Variants in AUTS2 observed in about 807,000 individuals in gnomAD.
The protein encoded by AUTS2 is activator of transcription and developmental regulator AUTS2.
AUTS2 carries 17 observed loss-of-function variants against 112.4 expected under a neutral mutation model. That is an observed-to-expected ratio of 0.15 (90% CI 0.10 to 0.23). The LOEUF is 0.23. AUTS2 is among the 10% of genes least tolerant of loss of function. The probability of loss-of-function intolerance (pLI) is 1.00; values close to 1 mark genes in which losing one functional copy is unlikely to be tolerated. For synonymous variants in AUTS2, 751 were observed against 702.7 expected (o/e 1.07, Z -1.09); for missense variants, 1,510 against 1,701.6 (o/e 0.89, Z 1.98).
At chr7:70,376,458 T>G (rs1793087910) in intron 4 of AUTS2, among the ~76,000 whole-genome samples, 1 of 152,004 alleles carries the variant, frequency 6.6e-6, no homozygotes, top group Admixed American at 6.6e-5. Flanking sequence ...GGGTGAGATG[T>G]GGCCGGCACA....
intron 4 of AUTS2, among the ~76,000 whole-genome samples, chr7:70,168,676 A>T (rs969133024): frequency 3.3e-5 from 5 of 152,198 alleles, no homozygotes; most frequent in African/African-American, 1.2e-4. Context: ...TTATGTAATA[A>T]AATAGCAGTA....
intron 4 of AUTS2, among the ~76,000 whole-genome samples, chr7:70,342,613 T>G (rs968771725): frequency 2.0e-5 from 3 of 152,138 alleles, no homozygotes; most frequent in Non-Finnish European, 4.4e-5. Context: ...AATTTTAAAA[T>G]TTCATTTAAT....
At chr7:70,026,750 A>AT in intron 2 of AUTS2, among the ~76,000 whole-genome samples, 1 of 152,232 alleles carries the variant, frequency 6.6e-6, no homozygotes, top group East Asian at 1.9e-4. Flanking sequence ...ATATATCTGA[A>AT]TGGGTATACA....
At chr7:70,434,318 G>T (rs1321305425) in intron 4 of AUTS2, among the ~76,000 whole-genome samples, 1 of 152,204 alleles carries the variant, frequency 6.6e-6, no homozygotes, top group African/African-American at 2.4e-5. Flanking sequence ...ACCTCAAAGT[G>T]TCAGGAGAAG....
intron 1 of AUTS2, among the ~76,000 whole-genome samples, chr7:69,623,368 AC>A (rs1396547357): frequency 7.5e-6 from 1 of 132,726 alleles, no homozygotes. Flanking sequence ...GACTACCACC[AC>A]CACGCCCAGC....
chr7:70,345,740 GA>G (rs1791467125), intron 4 of AUTS2, among the ~76,000 whole-genome samples: 1 of 152,172 alleles, frequency 6.6e-6, no homozygotes, highest in African/African-American at 2.4e-5. Context: ...AGACTCTCAT[GA>G]CTTTCTTCAA....
intron 4 of AUTS2, among the ~76,000 whole-genome samples, chr7:70,362,224 A>G (rs770037276): frequency 2.0e-5 from 3 of 152,202 alleles, no homozygotes; most frequent in Non-Finnish European, 4.4e-5. Flanking sequence ...TAGTTCAAAT[A>G]AAAGAAGAAC....
At chr7:70,174,337 C>T (rs1398495747) in intron 4 of AUTS2, among the ~76,000 whole-genome samples, 1 of 152,182 alleles carries the variant, frequency 6.6e-6, no homozygotes, top group African/African-American at 2.4e-5. Context: ...TGGAAGCTAT[C>T]AGAGTGTGGT....
intron 4 of AUTS2, among the ~76,000 whole-genome samples, chr7:70,238,107 G>C (rs916589560): frequency 2.0e-5 from 3 of 152,128 alleles, no homozygotes; most frequent in Non-Finnish European, 2.9e-5. Context: ...AGCCCCATCT[G>C]GTAAGAGTGA....
At chr7:70,711,431 A>G (rs1296309281) in intron 6 of AUTS2, among the ~76,000 whole-genome samples, 4 of 152,188 alleles carry the variant, frequency 2.6e-5, no homozygotes, top group African/African-American at 9.7e-5. Context: ...GGGCCTCATT[A>G]TGCTTTCTGC....
intron 5 of AUTS2, among the ~76,000 whole-genome samples, chr7:70,480,307 A>G (rs780958719): frequency 1.3e-5 from 2 of 152,248 alleles, no homozygotes; most frequent in Non-Finnish European, 2.9e-5. Context: ...CATGCAGCTC[A>G]GTAGAAGTCT....
intron 1 of AUTS2, among the ~76,000 whole-genome samples, chr7:69,665,209 C>T (rs1429059583): frequency 6.6e-6 from 1 of 152,146 alleles, no homozygotes; most frequent in Non-Finnish European, 1.5e-5. Flanking sequence ...GATGTCTTTC[C>T]TCTCTCCTCC....
intron 4 of AUTS2, among the ~76,000 whole-genome samples, chr7:70,395,738 G>A (rs560600222): frequency 1.3e-5 from 2 of 152,278 alleles, no homozygotes; most frequent in East Asian, 3.9e-4. Context: ...ATGGATTACA[G>A]GTTCAAGGAG....
intron 6 of AUTS2, chr7:70,699,292 T>C (rs1312361149): frequency 6.6e-6 from 1 of 152,210 alleles, no homozygotes; most frequent in Non-Finnish European, 1.5e-5. Context: ...GAAAGGTGTG[T>C]AATTTGAAAG....
At chr7:69,818,932 T>C (rs1934124123) in intron 1 of AUTS2, among the ~76,000 whole-genome samples, 1 of 152,106 alleles carries the variant, frequency 6.6e-6, no homozygotes, top group African/African-American at 2.4e-5. Flanking sequence ...TAAAATTTGA[T>C]TGTGTTTAGT....
At chr7:70,377,698 C>G (rs1793177460) in intron 4 of AUTS2, among the ~76,000 whole-genome samples, 1 of 151,394 alleles carries the variant, frequency 6.6e-6, no homozygotes, top group Non-Finnish European at 1.5e-5. Flanking sequence ...TTTGACTACT[C>G]TAGGTATCTC....
chr7:70,128,770 G>A, intron 3 of AUTS2, among the ~76,000 whole-genome samples: 1 of 152,180 alleles, frequency 6.6e-6, no homozygotes, highest in Non-Finnish European at 1.5e-5. Context: ...TTATCTCACA[G>A]TTCTGGAGGC....
intron 1 of AUTS2, among the ~76,000 whole-genome samples, chr7:69,835,837 C>T (rs1214015120): frequency 6.6e-6 from 1 of 152,138 alleles, no homozygotes; most frequent in Non-Finnish European, 1.5e-5. Context: ...TACAACACCC[C>T]AGAGGTGAAG....
Position 70,739,010 on chromosome 7 carries a change from T to G in AUTS2, c.743-23860T>G. Reference sequence around the variant, plus strand: ...TCCACGAGGTTTTGAGGCCTTTTTTTTTTTTTTTTTTTTTTTTTTTTTTTT... The same window carrying G: ...TCCACGAGGTTTTGAGGCCTTTTTTGTTTTTTTTTTTTTTTTTTTTTTTTT... On this transcript the variant is annotated intron_variant, in intron 6 of 18. Coordinates refer to ENST00000342771, the MANE Select transcript of AUTS2 (RefSeq NM_015570.4). Among the ~76,000 whole-genome samples, 5 of 11,876 alleles carry G rather than the reference T, an allele frequency of 4.2e-4. 1 individual carries two copies. Among genetic ancestry groups the G allele is most frequent in the African/African-American group, 3.1e-3 (5 of 1,590 alleles). 7.8% of individuals were successfully genotyped at this position (11,876 alleles called of 152,430 possible).
Sources: allele counts gnomAD v4.1 joint callset (sites outside exome capture counted in the v4.1 genomes callset), GRCh38; gene constraint gnomAD v4.1.1; transcripts MANE v1.5; gene names NCBI Gene and HGNC (gene_info 2026-07-23, HGNC 2026-07-21).